DAB2IP: variants seen among roughly 807,000 people sequenced by gnomAD.
DAB2IP encodes DAB2 interacting protein, also known as disabled homolog 2-interacting protein.
Under a neutral mutation model 107.2 loss-of-function variants are expected in DAB2IP, and 28 were observed. That is an observed-to-expected ratio of 0.26 (90% CI 0.19 to 0.36). The LOEUF (loss-of-function observed/expected upper bound fraction) is 0.36, where lower values mean the gene tolerates loss of function less well. Among genes scored for constraint, DAB2IP ranks in the 10% least tolerant of loss-of-function variants. The pLI is 1.00. For synonymous variants in DAB2IP, 755 were observed against 706.4 expected (o/e 1.07, Z -1.09); for missense variants, 1,400 against 1,644.7 (o/e 0.85, Z 2.57).
chr9:121,710,678 G>A (rs1830299008), intron 3 of DAB2IP, among the ~76,000 whole-genome samples: 1 of 152,156 alleles, frequency 6.6e-6, no homozygotes, highest in African/African-American at 2.4e-5. Context: ...GAACATAGAG[G>A]TGACTTCCAT....
intron 1 of DAB2IP, among the ~76,000 whole-genome samples, chr9:121,585,475 C>G (rs577546851): frequency 4.7e-4 from 71 of 152,208 alleles, no homozygotes; most frequent in African/African-American, 1.5e-3. Flanking sequence ...CAGGGCTGCA[C>G]GAGGGTTTGT....
intron 3 of DAB2IP, among the ~76,000 whole-genome samples, chr9:121,722,472 TTTC>T (rs1323510217): frequency 6.6e-6 from 1 of 151,990 alleles, no homozygotes; most frequent in Non-Finnish European, 1.5e-5. Context: ...CATATTTGAG[TTTC>T]TTCTAAATGA....
intron 3 of DAB2IP, among the ~76,000 whole-genome samples, chr9:121,728,824 G>A (rs1264383918): frequency 6.6e-6 from 1 of 151,772 alleles, no homozygotes; most frequent in Non-Finnish European, 1.5e-5. Flanking sequence ...TGGGGAGGGG[G>A]GGACAGCCAG....
chr9:121,720,300 G>A (rs1208287237), intron 3 of DAB2IP, among the ~76,000 whole-genome samples: 1 of 152,162 alleles, frequency 6.6e-6, no homozygotes, highest in Non-Finnish European at 1.5e-5. Context: ...CTGGGCCTCT[G>A]GCACCTAGCA....
chr9:121,750,113 C>T (rs1356475345), intron 3 of DAB2IP, among the ~76,000 whole-genome samples: 2 of 152,192 alleles, frequency 1.3e-5, no homozygotes, highest in Non-Finnish European at 2.9e-5. Context: ...ATCCTTAGAG[C>T]AACCCATGAG....
intron 14 of DAB2IP, among the ~76,000 whole-genome samples, chr9:121,780,184 C>A (rs916149665): frequency 1.3e-5 from 2 of 152,136 alleles, no homozygotes; most frequent in African/African-American, 4.8e-5. Flanking sequence ...ATGTGCCCGG[C>A]CCTATTTGTT....
chr9:121,739,306 G>A (rs887038651), intron 3 of DAB2IP, among the ~76,000 whole-genome samples: 4 of 152,342 alleles, frequency 2.6e-5, no homozygotes, highest in Admixed American at 1.3e-4. Context: ...GGTGTGTGTG[G>A]TGGGGGGCGT....
At chr9:121,763,235 C>T (rs558527539) in intron 6 of DAB2IP, among the ~76,000 whole-genome samples, 12 of 152,222 alleles carry the variant, frequency 7.9e-5, no homozygotes, top group Non-Finnish European at 1.6e-4. Context: ...TGTGGCTCCA[C>T]GTGGCATGCT....
chr9:121,624,871 C>T (rs1447906109), intron 1 of DAB2IP, among the ~76,000 whole-genome samples: 1 of 152,208 alleles, frequency 6.6e-6, no homozygotes, highest in East Asian at 1.9e-4. Context: ...AAGCATTTAA[C>T]ACAGTGCCAG....
intron 1 of DAB2IP, among the ~76,000 whole-genome samples, chr9:121,568,368 T>G (rs577348): frequency 0.29 from 43,729 of 151,150 alleles, 6,766 homozygotes; most frequent in African/African-American, 0.35. Context: ...GGACGGGGGG[T>G]CAGTTGATGC....
chr9:121,573,679 G>A (rs1757310), intron 1 of DAB2IP, among the ~76,000 whole-genome samples: 87,371 of 152,016 alleles, frequency 0.57, 26,175 homozygotes, highest in Middle Eastern at 0.71. Context: ...CACTGCATCT[G>A]GCCTACATTG....
Position 121,759,045 on chromosome 9 carries a change from C to CAGATAGGAGG in DAB2IP, c.615+51_615+60dup, listed in dbSNP as rs777542550. On this transcript the variant is annotated intron_variant, in intron 5 of 15. Transcript: ENST00000408936. ...AAGCATGGGGGATTGAAGGTAGGCTCAGATAGGAGGAAACAAGAGAGACTA... is the reference window on the plus strand; with the variant it reads ...AAGCATGGGGGATTGAAGGTAGGCTCAGATAGGAGGAGATAGGAGGAAACAAGAGAGACTA... 12 of 1,548,888 alleles carry CAGATAGGAGG rather than the reference C, an allele frequency of 7.7e-6. 1 individual carries two copies. The South Asian group carries it at 1.4e-4, about 18-fold the overall frequency.
Position 121,651,941 on chromosome 9 carries a change from G to A in DAB2IP, c.124+42G>A. The A allele has an allele frequency of 1.6e-6, 2 of 1,268,908 alleles. No homozygotes were observed. Among genetic ancestry groups the A allele is most frequent in the African/African-American group, 1.5e-5 (1 of 64,916 alleles). The allele number at this position is 1,268,908 out of a possible 1,614,324, so 78.6% of individuals were successfully genotyped here. A position where few individuals can be genotyped will look rare whatever the true frequency, so the allele number is the denominator to read the frequency against. On this transcript the variant is annotated intron_variant, in intron 1 of 15. Transcript: ENST00000408936. This position sits in a 1 kb window ranked among gnomAD's most constrained non-coding sequence, Gnocchi z 5.1. ...CCCCTGACCCCTAGACCCTCCTAAG[G>A]CCACTAAGCCACCTGATGCCCTGGG...
At chr9:121,728,439 G>C (rs1369457890) in intron 3 of DAB2IP, among the ~76,000 whole-genome samples, 1 of 152,198 alleles carries the variant, frequency 6.6e-6, no homozygotes, top group Non-Finnish European at 1.5e-5. Context: ...TGCTAGTTGC[G>C]TGAATTTGGG....
intron 1 of DAB2IP, among the ~76,000 whole-genome samples, chr9:121,573,585 T>C (rs1353967072): frequency 1.3e-5 from 2 of 151,656 alleles, no homozygotes; most frequent in African/African-American, 2.4e-5. Context: ...GGTTTTGCCA[T>C]GTGAGCAGGC....
rs1829544612 is a variant in DAB2IP, at chr9:121,698,505, TC to T, written c.229-816del. 6.6e-6 allele frequency among the ~76,000 whole-genome samples: 1 copy of T among 152,144 alleles called. No homozygotes were observed. On this transcript the variant is annotated intron_variant, in intron 2 of 15. Coordinates refer to ENST00000408936, the Ensembl canonical transcript of DAB2IP. The surrounding 1 kb of genome is among the most constrained non-coding windows in gnomAD (Gnocchi z 4.1). ...GGTGGATAAATGGCGTGAATAAGGT[TC>T]CCCAAATCTTGAAGCTTTTAATGGG...
At chr9:121,592,900 C>T (rs1267767063) in intron 1 of DAB2IP, among the ~76,000 whole-genome samples, 2 of 152,030 alleles carry the variant, frequency 1.3e-5, no homozygotes, top group Admixed American at 6.6e-5. Flanking sequence ...GGTGCCAGAG[C>T]GGATGGGCAG....
At chr9:121,582,216 C>T (rs1014528364) in intron 1 of DAB2IP, among the ~76,000 whole-genome samples, 11 of 152,216 alleles carry the variant, frequency 7.2e-5, no homozygotes, top group African/African-American at 2.7e-4. Flanking sequence ...GAAATCAAAA[C>T]ATCCCGGCTG....
At chr9:121,724,903 G>T (rs113749015) in intron 3 of DAB2IP, among the ~76,000 whole-genome samples, 1 of 152,140 alleles carries the variant, frequency 6.6e-6, no homozygotes, top group African/African-American at 2.4e-5. Context: ...GGATTGAGGG[G>T]TGAGGCCAAG....
Sources: allele counts gnomAD v4.1 joint callset (sites outside exome capture counted in the v4.1 genomes callset), GRCh38; gene constraint gnomAD v4.1.1; non-coding constraint Gnocchi (gnomAD v3.1); transcripts MANE v1.5; gene names NCBI Gene and HGNC (gene_info 2026-07-23, HGNC 2026-07-21).